MRTFB: variants seen among roughly 807,000 people sequenced by gnomAD.
The protein encoded by MRTFB is myocardin-related transcription factor B.
MRTFB carries 29 observed loss-of-function variants against 104.2 expected under a neutral mutation model. The ratio of observed to expected loss-of-function variants is 0.28; its 90% CI spans 0.21 to 0.38. The LOEUF (loss-of-function observed/expected upper bound fraction) is 0.38. Among genes scored for constraint, MRTFB ranks in the 10% least tolerant of loss-of-function variants. The pLI, the probability that MRTFB is intolerant of heterozygous loss-of-function variation, is 1.00. For synonymous variants in MRTFB, 535 were observed against 519.5 expected (o/e 1.03, Z -0.41); for missense variants, 1,270 against 1,341.6 (o/e 0.95, Z 0.83).
At chr16:14,102,383 A>G (rs1356482310) in intron 2 of MRTFB, among the ~76,000 whole-genome samples, 2 of 152,186 alleles carry the variant, frequency 1.3e-5, no homozygotes, top group African/African-American at 2.4e-5. Context: ...TAAAGTGGAG[A>G]TGATAATGAT....
At chr16:14,100,980 T>C (rs1567323051) in intron 2 of MRTFB, among the ~76,000 whole-genome samples, 1 of 152,196 alleles carries the variant, frequency 6.6e-6, no homozygotes, top group Non-Finnish European at 1.5e-5. Context: ...GGTTTATCAA[T>C]TTTATTTACC....
At chr16:14,071,389 G>T in intron 1 of MRTFB, 24 bp downstream of exon 1, 1 of 162,820 alleles carries the variant, frequency 6.1e-6, no homozygotes, top group Non-Finnish European at 1.3e-5. Flanking sequence ...GGTGGCGGCC[G>T]TTGGGGGCTG....
chr16:14,163,717 C>T (rs577977084), intron 3 of MRTFB, among the ~76,000 whole-genome samples: 14 of 151,576 alleles, frequency 9.2e-5, no homozygotes, highest in Non-Finnish European at 1.6e-4. Flanking sequence ...CCTGTAATCC[C>T]GGCTATTTGG....
chr16:14,130,558 GGT>G (rs1392746469), intron 2 of MRTFB, among the ~76,000 whole-genome samples: 2 of 152,182 alleles, frequency 1.3e-5, no homozygotes, highest in Non-Finnish European at 2.9e-5. Context: ...ACTTGCCAGT[GGT>G]GTATGTTATT....
chr16:14,058,940 G>C, the MRTFB span, among the ~76,000 whole-genome samples: 4 of 151,810 alleles, frequency 2.6e-5, no homozygotes, highest in Non-Finnish European at 2.9e-5. Flanking sequence ...GGCTGGTCTC[G>C]AACTCCTGGC....
intron 3 of MRTFB, among the ~76,000 whole-genome samples, chr16:14,208,609 T>G (rs1434599474): frequency 6.6e-6 from 1 of 152,088 alleles, no homozygotes; most frequent in East Asian, 1.9e-4. Context: ...GTCTTTTTCT[T>G]GAGATTCTGC....
intron 8 of MRTFB, among the ~76,000 whole-genome samples, chr16:14,227,402 A>T (rs2042055462): frequency 6.6e-6 from 1 of 152,196 alleles, no homozygotes; most frequent in African/African-American, 2.4e-5. Flanking sequence ...CCATGAGTGG[A>T]AGCAGCCTGA....
chr16:14,060,531 A>G, the MRTFB span, among the ~76,000 whole-genome samples: 2 of 151,954 alleles, frequency 1.3e-5, no homozygotes, highest in Non-Finnish European at 2.9e-5. Flanking sequence ...GTCTTCTCCA[A>G]TCTACGTAGC....
the MRTFB span, among the ~76,000 whole-genome samples, chr16:14,042,775 T>C: frequency 6.6e-6 from 1 of 152,128 alleles, no homozygotes; most frequent in Non-Finnish European, 1.5e-5. Context: ...TACAGAGGAT[T>C]GTTGTTCTTG....
intron 2 of MRTFB, among the ~76,000 whole-genome samples, chr16:14,091,499 G>C (rs2035061029): frequency 6.6e-6 from 1 of 152,080 alleles, no homozygotes; most frequent in Non-Finnish European, 1.5e-5. Context: ...TAAAATCCCA[G>C]GGGCACTCTT....
At chr16:14,131,818 A>C (rs529835471) in intron 2 of MRTFB, among the ~76,000 whole-genome samples, 1 of 152,106 alleles carries the variant, frequency 6.6e-6, no homozygotes. Context: ...TGGAACCCCA[A>C]CTTTTGCTGG....
chr16:14,180,753 G>A (rs966320371), intron 3 of MRTFB, among the ~76,000 whole-genome samples: 3 of 152,186 alleles, frequency 2.0e-5, no homozygotes, highest in African/African-American at 4.8e-5. Flanking sequence ...ACCCTGAAAA[G>A]CCTTCTTTGC....
intron 10 of MRTFB, among the ~76,000 whole-genome samples, chr16:14,243,470 A>G (rs990160664): frequency 9.9e-5 from 15 of 152,264 alleles, no homozygotes; most frequent in African/African-American, 1.9e-4. Context: ...TTTGTGTGAT[A>G]ATAAAGCCTG....
the MRTFB span, among the ~76,000 whole-genome samples, chr16:14,003,399 C>T: frequency 6.6e-6 from 1 of 152,230 alleles, no homozygotes; most frequent in South Asian, 2.1e-4. Context: ...TCTTGTCTCT[C>T]TCCACCCTCC....
At chr16:14,086,522 C>T (rs1449472976) in intron 2 of MRTFB, among the ~76,000 whole-genome samples, 2 of 152,064 alleles carry the variant, frequency 1.3e-5, no homozygotes, top group African/African-American at 4.8e-5. Context: ...ATTGAGTCTT[C>T]AATAGTAGAG....
intron 2 of MRTFB, among the ~76,000 whole-genome samples, chr16:14,103,768 A>T (rs1468291437): frequency 6.6e-6 from 1 of 152,266 alleles, no homozygotes; most frequent in African/African-American, 2.4e-5. Flanking sequence ...AAGTCAGTCC[A>T]GCCAAGGATT....
intron 8 of MRTFB, among the ~76,000 whole-genome samples, chr16:14,226,903 G>C (rs893422684): frequency 6.6e-6 from 1 of 151,962 alleles, no homozygotes; most frequent in Non-Finnish European, 1.5e-5. Flanking sequence ...GATGACTGGA[G>C]CCCAGGTTTG....
intron 3 of MRTFB, among the ~76,000 whole-genome samples, chr16:14,149,726 C>T (rs1008217488): frequency 2.0e-5 from 3 of 152,128 alleles, no homozygotes; most frequent in African/African-American, 4.8e-5. Context: ...GTTGAAAGTT[C>T]ATGATGTAGT....
chr16:14,224,428 C>G (rs1179841305), intron 8 of MRTFB, among the ~76,000 whole-genome samples: 1 of 152,170 alleles, frequency 6.6e-6, no homozygotes, highest in East Asian at 1.9e-4. Context: ...AAATACTACA[C>G]CTGTATAGAG....
Sources: allele counts gnomAD v4.1 joint callset (sites outside exome capture counted in the v4.1 genomes callset), GRCh38; gene constraint gnomAD v4.1.1; transcripts MANE v1.5; gene names NCBI Gene and HGNC (gene_info 2026-07-23, HGNC 2026-07-21).